NRG3: variants seen among roughly 807,000 people sequenced by gnomAD.
The protein encoded by NRG3 is neuregulin 3.
A neutral mutation model predicts 66.9 loss-of-function variants in NRG3; 31 were observed. The observed-to-expected ratio is 0.46, with a 90% CI of 0.35 to 0.63. NRG3 has a LOEUF of 0.63. NRG3 is among the 20% of genes least tolerant of loss of function. The pLI, the probability that NRG3 is intolerant of heterozygous loss-of-function variation, is 0.00. For missense variants in NRG3, 910 were observed against 878.9 expected (o/e 1.04, Z -0.45); for synonymous variants, 393 against 359.4 (o/e 1.09, Z -1.06).
chr10:82,973,830 A>T lies in NRG3; in HGVS notation c.1327A>T (p.Met443Leu), dbSNP rs1851995658. ...GCATCCTGTGACTGCATTGGAGAAA[A>T]TGATGGAGTCAAGTTTTGTCGGCCC... Reference protein sequence around the residue: ...ERHPVTALEKMMESSFVGPQS... With the variant: ...ERHPVTALEKLMESSFVGPQS... Residue 443 changes from methionine (M) to leucine (L), a missense_variant, in exon 7 of 9, where the codon ATG becomes TTG. Transcript: ENST00000372141. 6.2e-7 allele frequency: 1 copy of T among 1,613,850 alleles called. No individual in the cohort carries two copies. Among genetic ancestry groups the T allele is most frequent in the Non-Finnish European group, 8.5e-7 (1 of 1,179,884 alleles).
chr10:82,933,067 C>G (rs1167937620), intron 4 of NRG3, among the ~76,000 whole-genome samples: 1 of 152,072 alleles, frequency 6.6e-6, no homozygotes, highest in East Asian at 1.9e-4. Flanking sequence ...TTAGCTAACT[C>G]ACATATGGAA....
chr10:82,778,370 C>A (rs1317949057), intron 3 of NRG3, among the ~76,000 whole-genome samples: 1 of 152,174 alleles, frequency 6.6e-6, no homozygotes, highest in Admixed American at 6.5e-5. Flanking sequence ...ACTTACAGTT[C>A]TGCATTGCTG....
chr10:81,877,863 C>A, intron 1 of NRG3: 3 of 1,514,884 alleles, frequency 2.0e-6, no homozygotes, highest in Non-Finnish European at 2.6e-6. Flanking sequence ...ATAAAGGATT[C>A]ATGAGTGTAT....
chr10:82,487,502 T>A (rs1338422048), intron 2 of NRG3, among the ~76,000 whole-genome samples: 1 of 152,130 alleles, frequency 6.6e-6, no homozygotes, highest in East Asian at 1.9e-4. Context: ...TAAAAAATAG[T>A]GTTATAATGA....
At chr10:81,962,163 A>C (rs1850423475) in intron 1 of NRG3, among the ~76,000 whole-genome samples, 1 of 152,222 alleles carries the variant, frequency 6.6e-6, no homozygotes, top group South Asian at 2.1e-4. Flanking sequence ...TCAGAATTTT[A>C]GCTCAGCCAT....
chr10:82,638,833 G>A (rs567988944), intron 2 of NRG3, among the ~76,000 whole-genome samples: 9 of 152,108 alleles, frequency 5.9e-5, no homozygotes, highest in South Asian at 2.1e-4. Flanking sequence ...TTTTAGTAGC[G>A]ACAGGGTTTC....
chr10:82,076,153 C>T (rs2065078583), intron 1 of NRG3, among the ~76,000 whole-genome samples: 2 of 152,146 alleles, frequency 1.3e-5, no homozygotes, highest in African/African-American at 4.8e-5. Context: ...ACATGACAGA[C>T]ATCGATAATC....
chr10:81,875,739 C>A lies in NRG3; in HGVS notation c.399C>A (p.Ser133=). The change falls in exon 1 of 9, where the codon TCC becomes TCA. Residue 133 remains serine (S), a synonymous_variant. Transcript: ENST00000372141. The surrounding 1 kb of genome is among the most constrained non-coding windows in gnomAD (Gnocchi z 5.3). ...KAMETTTTTT[S]TTSPATPSAG... ...TGGAGACCACCACCACTACCACTTC[C>A]ACCACGTCCCCCGCCACCCCCTCCG... The A allele has an allele frequency of 6.2e-7, 1 of 1,613,102 alleles. No homozygotes were observed. Among genetic ancestry groups the A allele is most frequent in the Non-Finnish European group, 8.5e-7 (1 of 1,179,850 alleles).
chr10:82,031,001 C>T (rs182509583), intron 1 of NRG3, among the ~76,000 whole-genome samples: 1 of 152,106 alleles, frequency 6.6e-6, no homozygotes, highest in African/African-American at 2.4e-5. Context: ...AAGTTATTAT[C>T]TAGATATTCA....
At chr10:82,197,313 A>G (rs193151797) in intron 1 of NRG3, among the ~76,000 whole-genome samples, 2 of 152,278 alleles carry the variant, frequency 1.3e-5, no homozygotes, top group East Asian at 1.9e-4. Context: ...TTATCAAGGA[A>G]CTTGATATGC....
rs79441816 is a variant in NRG3, at chr10:82,356,059, C to T, written c.824-2680C>T. Among the ~76,000 whole-genome samples the T allele has an allele frequency of 8.9e-3, 1,352 of 152,214 alleles. 26 individuals are homozygous for T. Among genetic ancestry groups the T allele is most frequent in the African/African-American group, 0.031 (1,303 of 41,520 alleles). ...ATGTTAAGCCTGATATCTGAGCTTTCCCACCCCAGACTTTTGCAGAGCCAT... is the reference window on the plus strand; with the variant it reads ...ATGTTAAGCCTGATATCTGAGCTTTTCCACCCCAGACTTTTGCAGAGCCAT... On this transcript the variant is annotated intron_variant, in intron 1 of 8. Transcript: ENST00000372141.
At chr10:82,768,222 C>G (rs1343462384) in intron 3 of NRG3, among the ~76,000 whole-genome samples, 1 of 152,114 alleles carries the variant, frequency 6.6e-6, no homozygotes, top group Non-Finnish European at 1.5e-5. Context: ...CTTTCACTTT[C>G]ACGTGTACTA....
chr10:82,758,581 T>G (rs1197706307), intron 3 of NRG3, among the ~76,000 whole-genome samples: 1 of 152,016 alleles, frequency 6.6e-6, no homozygotes, highest in African/African-American at 2.4e-5. Context: ...GAAACAAAAA[T>G]TTTCAGGACT....
intron 1 of NRG3, among the ~76,000 whole-genome samples, chr10:81,891,171 A>G (rs1779138391): frequency 6.6e-6 from 1 of 152,192 alleles, no homozygotes; most frequent in South Asian, 2.1e-4. Context: ...AGATGCTTTC[A>G]TGCCAGGAAA....
intron 1 of NRG3, among the ~76,000 whole-genome samples, chr10:82,185,730 C>A (rs2073762403): frequency 6.6e-6 from 1 of 152,160 alleles, no homozygotes; most frequent in African/African-American, 2.4e-5. Flanking sequence ...TGTCTCATTA[C>A]TGAACATTAC....
chr10:82,422,727 G>T (rs562136544), intron 2 of NRG3, among the ~76,000 whole-genome samples: 2 of 151,906 alleles, frequency 1.3e-5, no homozygotes, highest in Non-Finnish European at 2.9e-5. Context: ...ATACAAACTT[G>T]TTTTGTTTTG....
At chr10:82,831,257 T>TTC (rs2062505547) in intron 3 of NRG3, among the ~76,000 whole-genome samples, 3 of 152,138 alleles carry the variant, frequency 2.0e-5, no homozygotes, top group Non-Finnish European at 4.4e-5. Flanking sequence ...GCCAGGGAAC[T>TTC]CAACAATATT....
intron 4 of NRG3, among the ~76,000 whole-genome samples, chr10:82,905,385 T>C (rs1844635393): frequency 6.6e-6 from 1 of 152,156 alleles, no homozygotes; most frequent in Non-Finnish European, 1.5e-5. Flanking sequence ...TTGACAGTGA[T>C]TATTGAAAGC....
chr10:82,194,323 G>A (rs1039592745), intron 1 of NRG3, among the ~76,000 whole-genome samples: 10 of 152,144 alleles, frequency 6.6e-5, no homozygotes, highest in Admixed American at 6.5e-4. Flanking sequence ...AGGGGCACAT[G>A]GGTCAGAGAG....
Sources: allele counts gnomAD v4.1 joint callset (sites outside exome capture counted in the v4.1 genomes callset), GRCh38; gene constraint gnomAD v4.1.1; non-coding constraint Gnocchi (gnomAD v3.1); transcripts MANE v1.5; gene names NCBI Gene and HGNC (gene_info 2026-07-23, HGNC 2026-07-21).